The following MBTPS1 variants were observed in gnomAD, a reference collection of about 807,000 sequenced individuals.
The protein encoded by MBTPS1 is membrane-bound transcription factor site-1 protease.
In MBTPS1, 94 loss-of-function variants were observed where a neutral mutation model predicts 127.8. The observed-to-expected ratio is 0.74, with a 90% CI of 0.62 to 0.87. MBTPS1 has a LOEUF of 0.87. MBTPS1 is among the 40% of genes least tolerant of loss of function. The probability of loss-of-function intolerance (pLI) is 0.00; values close to 1 mark genes in which losing one functional copy is unlikely to be tolerated. For synonymous variants in MBTPS1, 632 were observed against 509.4 expected (o/e 1.24, Z -3.24); for missense variants, 1,636 against 1,353.2 (o/e 1.21, Z -3.28).
intron 21 of MBTPS1, among the ~76,000 whole-genome samples, chr16:84,058,418 C>A (rs961181069): frequency 6.6e-6 from 1 of 152,130 alleles, no homozygotes; most frequent in African/African-American, 2.4e-5. Flanking sequence ...GCCTGAGGGG[C>A]TGGGGAGAGG....
intron 2 of MBTPS1, among the ~76,000 whole-genome samples, chr16:84,100,143 G>A (rs2086233662): frequency 6.6e-6 from 1 of 152,202 alleles, no homozygotes; most frequent in Admixed American, 6.5e-5. Context: ...TGGGCACAGT[G>A]GCTCATGCCT....
chr16:84,081,975 C>A (rs1022634935), intron 10 of MBTPS1, 67 bp from the exon 11 acceptor site: 40 of 1,230,836 alleles, frequency 3.2e-5, no homozygotes, highest in Non-Finnish European at 3.7e-5. Context: ...CCACTAAAAC[C>A]TAACCTACAA....
At chr16:84,097,557 G>A (rs1332526319) in intron 3 of MBTPS1, among the ~76,000 whole-genome samples, 3 of 152,170 alleles carry the variant, frequency 2.0e-5, no homozygotes, top group Non-Finnish European at 4.4e-5. Flanking sequence ...AGAGAGTCTA[G>A]GATTCTTGTG....
intron 21 of MBTPS1, 35 bp downstream of exon 21, chr16:84,059,267 G>A (rs756579068): frequency 1.4e-5 from 22 of 1,592,892 alleles, no homozygotes; most frequent in East Asian, 1.4e-4. Context: ...CACAAGCCCC[G>A]TGGAAAGAGT....
chr16:84,092,033 C>T (rs758906501), intron 6 of MBTPS1, among the ~76,000 whole-genome samples, 185 bp from the exon 7 acceptor site: 6 of 152,216 alleles, frequency 3.9e-5, no homozygotes, highest in Admixed American at 1.3e-4. Flanking sequence ...CGTAGAAGTT[C>T]TAAGTCCTTG....
intron 2 of MBTPS1, among the ~76,000 whole-genome samples, chr16:84,099,540 C>T (rs975973136): frequency 2.6e-5 from 4 of 152,018 alleles, no homozygotes; most frequent in Admixed American, 1.3e-4. Context: ...AATCCCAGCA[C>T]TTTGGGAGGC....
At chr16:84,062,735 G>A (rs894795533) in intron 19 of MBTPS1, among the ~76,000 whole-genome samples, 3 of 152,130 alleles carry the variant, frequency 2.0e-5, no homozygotes, top group Non-Finnish European at 4.4e-5. Context: ...CAAATCCAAC[G>A]GATGCATCGA....
chr16:84,085,577 C>A (rs1194991568), intron 9 of MBTPS1, among the ~76,000 whole-genome samples: 6 of 99,786 alleles, frequency 6.0e-5, no homozygotes, highest in Non-Finnish European at 1.1e-4. Context: ...ACCCGCCCCC[C>A]CCCCAAAAAA....
intron 22 of MBTPS1, among the ~76,000 whole-genome samples, chr16:84,055,741 T>C (rs1434731682): frequency 1.3e-5 from 2 of 152,210 alleles, no homozygotes; most frequent in Admixed American, 6.5e-5. Context: ...CATGTTTAAG[T>C]AGATCACCCA....
In MBTPS1 at chr16:84,112,669, AC is replaced by A. The variant is rs66496250; in HGVS notation, c.-325+4065del. Among the ~76,000 whole-genome samples the A allele has an allele frequency of 9.6e-4, 142 of 148,106 alleles. 17 individuals carry two copies. In the Middle Eastern group the frequency reaches 0.01, roughly 11 times the overall value. ...AGAGCGAGACTCGGTCTCAAAAAAA[AC>A]AAAAAAAAACAAAAAAAGAATACGC... On this transcript the variant is annotated intron_variant, in intron 1 of 22. Coordinates refer to ENST00000343411, the MANE Select transcript of MBTPS1 (RefSeq NM_003791.4).
intron 1 of MBTPS1, among the ~76,000 whole-genome samples, chr16:84,108,665 T>C (rs1163544521): frequency 1.3e-5 from 2 of 152,134 alleles, no homozygotes; most frequent in African/African-American, 4.8e-5. Flanking sequence ...CATGGGAGAA[T>C]GGCAGAAGCC....
chr16:84,081,511 C>T (rs1284520039), intron 11 of MBTPS1: 1 of 332,052 alleles, frequency 3.0e-6, no homozygotes. Flanking sequence ...AAAAAAACCA[C>T]TCAGAAATCA....
intron 1 of MBTPS1, among the ~76,000 whole-genome samples, chr16:84,108,612 T>C (rs1427467286): frequency 6.6e-6 from 1 of 152,224 alleles, no homozygotes; most frequent in Non-Finnish European, 1.5e-5. Flanking sequence ...CTTTTCTTCT[T>C]CCCTTCCTGA....
At position 84,074,755 on chromosome 16, in the gene MBTPS1, T is replaced by C; in HGVS notation, c.1449-14A>G. On this transcript the variant is annotated splice_polypyrimidine_tract_variant and intron_variant, in intron 11 of 22. Coordinates refer to ENST00000343411, the MANE Select transcript of MBTPS1 (RefSeq NM_003791.4). Reference sequence around the variant, plus strand: ...CTGGGGCTCAAACTGAAATAAAGAATACAGTGTTAGAGTAGATCATATGAG... The same window carrying C: ...CTGGGGCTCAAACTGAAATAAAGAACACAGTGTTAGAGTAGATCATATGAG... The C allele has an allele frequency of 1.2e-6, 2 of 1,611,482 alleles. No individual in the cohort carries two copies. The highest frequency in any genetic ancestry group is 1.1e-5 in the South Asian group (1 of 90,808).
At chr16:84,096,524 C>A (rs1048074630) in intron 3 of MBTPS1, among the ~76,000 whole-genome samples, 1 of 152,220 alleles carries the variant, frequency 6.6e-6, no homozygotes, top group Non-Finnish European at 1.5e-5. Context: ...GGCAGTACCA[C>A]AGAAATGGCC....
chr16:84,079,110 T>A (rs2085901379), intron 11 of MBTPS1, among the ~76,000 whole-genome samples: 1 of 152,142 alleles, frequency 6.6e-6, no homozygotes, highest in African/African-American at 2.4e-5. Flanking sequence ...TGTTTAACAG[T>A]CTGGGACCTC....
chr16:84,091,604 G>A, intron 7 of MBTPS1, 128 bp downstream of exon 7: 1 of 666,022 alleles, frequency 1.5e-6, no homozygotes. Flanking sequence ...CACGTCATTA[G>A]CCATCTGTTC....
At chr16:84,099,758 A>G (rs915717816) in intron 2 of MBTPS1, among the ~76,000 whole-genome samples, 3 of 151,170 alleles carry the variant, frequency 2.0e-5, no homozygotes, top group African/African-American at 7.3e-5. Context: ...GCCTGGTGAC[A>G]GAGCAAGCCT....
chr16:84,084,868 G>T, intron 10 of MBTPS1, 115 bp downstream of exon 10: 1 of 1,066,876 alleles, frequency 9.4e-7, no homozygotes, highest in Non-Finnish European at 1.4e-6. Context: ...GCTGTGAAGG[G>T]CCTAAGCTCT....
Sources: gnomAD v4.1 joint callset for allele counts (sites outside exome capture counted in the v4.1 genomes callset) on GRCh38, gnomAD v4.1.1 for gene constraint, MANE v1.5 for transcripts, NCBI Gene and HGNC (gene_info 2026-07-23, HGNC 2026-07-21) for gene names.